POFUT1: variants seen among roughly 807,000 people sequenced by gnomAD.
POFUT1 encodes the protein protein O-fucosyltransferase 1.
In POFUT1, 16 loss-of-function variants were observed where a neutral mutation model predicts 42.4. That is an observed-to-expected ratio of 0.38 (90% CI 0.26 to 0.57). The LOEUF (loss-of-function observed/expected upper bound fraction) is 0.57. POFUT1 is among the 20% of genes least tolerant of loss of function. The pLI is 0.71. For synonymous variants in POFUT1, 206 were observed against 205.4 expected, an observed-to-expected ratio of 1.00 and a Z score of -0.03; for missense variants, 470 against 504.6, an observed-to-expected ratio of 0.93 and a Z score of 0.66.
At chr20:32,230,512 T>C (rs2047437140) in intron 5 of POFUT1, among the ~76,000 whole-genome samples, 2 of 151,376 alleles carry the variant, frequency 1.3e-5, no homozygotes, top group Non-Finnish European at 2.9e-5. Context: ...CTGGCCAACA[T>C]GGCAAAACTC....
At chr20:32,221,768 T>A (rs1291845755) in intron 4 of POFUT1, among the ~76,000 whole-genome samples, 1 of 151,826 alleles carries the variant, frequency 6.6e-6, no homozygotes, top group Non-Finnish European at 1.5e-5. Context: ...GGGGACCAAG[T>A]TCCAGGGGCT....
intron 6 of POFUT1, chr20:32,231,327 G>T: frequency 4.5e-6 from 2 of 443,968 alleles, no homozygotes; most frequent in South Asian, 4.3e-5. Context: ...GCACTTTCTG[G>T]ACTGTATGAG....
chr20:32,219,658 G>T (rs568262103), intron 4 of POFUT1, among the ~76,000 whole-genome samples: 2 of 151,856 alleles, frequency 1.3e-5, no homozygotes, highest in African/African-American at 4.8e-5. Context: ...CACCACGCCC[G>T]GCTGATTTTT....
At chr20:32,233,085 G>A (rs1030959245) in intron 6 of POFUT1, among the ~76,000 whole-genome samples, 1 of 152,232 alleles carries the variant, frequency 6.6e-6, no homozygotes, top group African/African-American at 2.4e-5. Flanking sequence ...TTTTACTGGG[G>A]CAGGCTCTGT....
Position 32,228,308 on chromosome 20 carries a change from A to C in POFUT1, c.588A>C (p.Pro196=). Residue 196 remains proline, a synonymous_variant, in exon 5 of 7, where the codon CCA becomes CCC. Transcript: ENST00000375749. Reference sequence around the variant, plus strand: ...CGGTGCTTGCCCTGCCAGGAGCCCCAGCCCAGTTCCCCGTCCTAGAGGAAC... The same window carrying C: ...CGGTGCTTGCCCTGCCAGGAGCCCCCGCCCAGTTCCCCGTCCTAGAGGAAC... ...EHPVLALPGA[P]AQFPVLEEHR... 1 of 1,614,006 alleles carries C rather than the reference A, an allele frequency of 6.2e-7. No homozygotes were observed. Among genetic ancestry groups the C allele is most frequent in the Non-Finnish European group, 8.5e-7 (1 of 1,179,922 alleles).
chr20:32,231,741 T>C (rs1454408212), intron 6 of POFUT1, among the ~76,000 whole-genome samples: 1 of 152,164 alleles, frequency 6.6e-6, no homozygotes, highest in East Asian at 1.9e-4. Context: ...TGTAAAGAAA[T>C]TGAAACAGTT....
chr20:32,225,380 G>T (rs2047409654), intron 4 of POFUT1, among the ~76,000 whole-genome samples: 2 of 151,906 alleles, frequency 1.3e-5, no homozygotes, highest in African/African-American at 4.8e-5. Flanking sequence ...GTAGAGACGG[G>T]GTTTCGCCGT....
At chr20:32,222,303 A>T (rs1478856610) in intron 4 of POFUT1, among the ~76,000 whole-genome samples, 1 of 152,124 alleles carries the variant, frequency 6.6e-6, no homozygotes, top group African/African-American at 2.4e-5. Context: ...ACTTCGCCTC[A>T]AAAAAAGAGA....
chr20:32,220,512 C>T (rs1337307738), intron 4 of POFUT1, among the ~76,000 whole-genome samples: 2 of 152,132 alleles, frequency 1.3e-5, no homozygotes, highest in Non-Finnish European at 1.5e-5. Flanking sequence ...GAGGCTGAGG[C>T]GGGTGGATCA....
At chr20:32,223,677 C>T (rs2047401150) in intron 4 of POFUT1, 1 of 985,280 alleles carries the variant, frequency 1.0e-6, no homozygotes, top group Non-Finnish European at 1.2e-6. Flanking sequence ...CCCTGACAGC[C>T]TGATCGGGTC....
rs755809553 is a variant in POFUT1, at chr20:32,228,332, A to G, written c.612A>G (p.Glu204=). 28 of 1,613,908 alleles carry G rather than the reference A, an allele frequency of 1.7e-5. No individual in the cohort carries two copies. The highest frequency in any genetic ancestry group is 4.5e-5 in the East Asian group (2 of 44,892). Residue 204 remains glutamate, a synonymous_variant, in exon 5 of 7, where the codon GAA becomes GAG. Coordinates refer to ENST00000375749, the MANE Select transcript of POFUT1 (RefSeq NM_015352.2). The stretch of plus-strand genomic sequence containing the variant: ...CAGCCCAGTTCCCCGTCCTAGAGGA[A>G]CACAGGCCACTACAGAAGTACATGG... ...GAPAQFPVLE[E]HRPLQKYMVW...
intron 4 of POFUT1, among the ~76,000 whole-genome samples, chr20:32,224,058 AG>A (rs1336472896): frequency 2.0e-5 from 3 of 152,194 alleles, no homozygotes; most frequent in Non-Finnish European, 4.4e-5. Context: ...TCACATAATG[AG>A]GCCCAATAAA....
chr20:32,234,836 G>C lies in POFUT1; in HGVS notation c.*175G>C. The C allele has an allele frequency of 1.8e-6, 1 of 564,792 alleles. No individual in the cohort carries two copies. The highest frequency in any genetic ancestry group is 3.1e-6 in the Non-Finnish European group (1 of 325,624). The allele number at this position is 564,792 out of a possible 1,614,324, so 35.0% of individuals were successfully genotyped here. ...AGGAGGGAGACGCTCCATATCCCAG[G>C]GCATAGGACTTGCAGGTTCCTAGGA... is the stretch of plus-strand genomic sequence containing the variant. On this transcript the variant is annotated 3_prime_UTR_variant, in exon 7 of 7. Transcript: ENST00000375749.
At chr20:32,209,216 C>T (rs2047312990) in intron 1 of POFUT1, among the ~76,000 whole-genome samples, 2 of 152,232 alleles carry the variant, frequency 1.3e-5, no homozygotes, top group Non-Finnish European at 1.5e-5. Flanking sequence ...TCCTCTCCTC[C>T]ATTTCTGCCT....
At chr20:32,219,763 C>G (rs558872233) in intron 4 of POFUT1, among the ~76,000 whole-genome samples, 1 of 152,154 alleles carries the variant, frequency 6.6e-6, no homozygotes, top group Non-Finnish European at 1.5e-5. Context: ...TCCCAAAGTG[C>G]TGGGATTACA....
intron 6 of POFUT1, chr20:32,231,400 A>T: frequency 3.0e-6 from 1 of 327,958 alleles, no homozygotes; most frequent in South Asian, 2.6e-5. Context: ...GGCAGGGTCC[A>T]AGGCTGACTC....
At chr20:32,215,611 C>T (rs1203660653) in intron 3 of POFUT1, among the ~76,000 whole-genome samples, 160 bp downstream of exon 3, 1 of 152,200 alleles carries the variant, frequency 6.6e-6, no homozygotes, top group Admixed American at 6.5e-5. Context: ...GAAGCTGCAT[C>T]ACCTTGGGCA....
intron 2 of POFUT1, among the ~76,000 whole-genome samples, chr20:32,214,384 C>T (rs1230252161): frequency 6.6e-6 from 1 of 152,118 alleles, no homozygotes; most frequent in African/African-American, 2.4e-5. Flanking sequence ...CTCGGCCTCC[C>T]AAAGTGCTGA....
intron 5 of POFUT1, among the ~76,000 whole-genome samples, chr20:32,229,012 A>G (rs1274085220): frequency 6.6e-6 from 1 of 152,228 alleles, no homozygotes; most frequent in East Asian, 1.9e-4. Flanking sequence ...AACTTGAAAA[A>G]TACTAAAATT....
Sources: gnomAD v4.1 joint callset for allele counts (sites outside exome capture counted in the v4.1 genomes callset) on GRCh38, gnomAD v4.1.1 for gene constraint, MANE v1.5 for transcripts, NCBI Gene and HGNC (gene_info 2026-07-23, HGNC 2026-07-21) for gene names.